The following TMCO4 variants were observed in gnomAD, a reference collection of about 807,000 sequenced individuals.
The protein encoded by TMCO4 is transmembrane and coiled-coil domain-containing protein 4.
TMCO4 carries 58 observed loss-of-function variants against 64.7 expected under a neutral mutation model. That is an observed-to-expected ratio of 0.90 (90% CI 0.73 to 1.12). The LOEUF (loss-of-function observed/expected upper bound fraction) is 1.12. Among genes scored for constraint, TMCO4 ranks in the 50% most tolerant of loss-of-function variants. The probability of loss-of-function intolerance (pLI) is 0.00; values close to 1 mark genes in which losing one functional copy is unlikely to be tolerated. For missense variants in TMCO4, 780 were observed against 825.9 expected (o/e 0.94, Z 0.68); for synonymous variants, 325 against 346.1 (o/e 0.94, Z 0.68).
At position 19,682,789 on chromosome 1, in the gene TMCO4, G is replaced by A; in HGVS notation, c.*251C>T. 1.4e-6 allele frequency: 1 copy of A among 717,698 alleles called. No individual in the cohort carries two copies. The allele number at this position is 717,698 out of a possible 1,614,324, so 44.5% of individuals were successfully genotyped here. On this transcript the variant is annotated 3_prime_UTR_variant, in exon 16 of 16. Transcript: ENST00000294543. Reference sequence around the variant, plus strand: ...AACCTGTGCTTGGTTGACTCTGCAGGTCTCTGATGAGGGGGCAGCTGCTCC... The same window carrying A: ...AACCTGTGCTTGGTTGACTCTGCAGATCTCTGATGAGGGGGCAGCTGCTCC...
intron 6 of TMCO4, among the ~76,000 whole-genome samples, chr1:19,763,663 T>G (rs2294634): frequency 0.18 from 26,788 of 152,216 alleles, 2,602 homozygotes; most frequent in East Asian, 0.35. Flanking sequence ...TTCATATAAC[T>G]GCTAACCTCA....
intron 4 of TMCO4, among the ~76,000 whole-genome samples, chr1:19,775,355 G>C (rs2043162027): frequency 6.6e-6 from 1 of 152,170 alleles, no homozygotes; most frequent in Non-Finnish European, 1.5e-5. Flanking sequence ...GGGACTACAG[G>C]CATGAGGCAC....
chr1:19,763,373 G>C (rs2294637), intron 6 of TMCO4, among the ~76,000 whole-genome samples: 72,666 of 152,136 alleles, frequency 0.48, 18,100 homozygotes, highest in African/African-American at 0.64. Flanking sequence ...CCACCACGCC[G>C]GGCCAAGAAT....
At chr1:19,797,876 AG>A in intron 2 of TMCO4, among the ~76,000 whole-genome samples, 1 of 124,658 alleles carries the variant, frequency 8.0e-6, no homozygotes, top group African/African-American at 3.4e-5. Context: ...AAAAAAAAAG[AG>A]AGAAGAAAGA....
At chr1:19,782,464 T>C (rs1006367927) in intron 3 of TMCO4, among the ~76,000 whole-genome samples, 3 of 152,140 alleles carry the variant, frequency 2.0e-5, no homozygotes, top group African/African-American at 7.2e-5. Flanking sequence ...TGGGTGGTCA[T>C]CATATGGGTA....
chr1:19,760,199 C>T (rs1490857363), intron 6 of TMCO4, among the ~76,000 whole-genome samples: 1 of 151,848 alleles, frequency 6.6e-6, no homozygotes, highest in Non-Finnish European at 1.5e-5. Flanking sequence ...GGGGATCTTG[C>T]TATGTTGCCC....
intron 15 of TMCO4, 109 bp downstream of exon 15, chr1:19,694,325 C>G: frequency 1.1e-6 from 1 of 895,294 alleles, no homozygotes; most frequent in Non-Finnish European, 1.7e-6. Flanking sequence ...TATGATCTTT[C>G]TCCTGTGGCG....
chr1:19,709,048 G>A (rs1196809054), intron 13 of TMCO4, among the ~76,000 whole-genome samples: 1 of 152,134 alleles, frequency 6.6e-6, no homozygotes, highest in African/African-American at 2.4e-5. Flanking sequence ...CGTAGAGAGA[G>A]GCCACAGAAG....
chr1:19,682,343 C>T lies in TMCO4; in HGVS notation c.*697G>A, dbSNP rs1054718032. ...CTTGTCCCCAGGCCTAGTTCACAGC[C>T]ATACTGAATGCAATTCAGCATGTAT... On this transcript the variant is annotated 3_prime_UTR_variant, in exon 16 of 16. Transcript: ENST00000294543. The T allele has an allele frequency of 9.9e-6, 4 of 403,230 alleles. No individual in the cohort carries two copies. Among genetic ancestry groups the T allele is most frequent in the Non-Finnish European group, 1.8e-5 (4 of 220,578 alleles). The allele number at this position is 403,230 out of a possible 1,614,324, so 25.0% of individuals were successfully genotyped here.
intron 4 of TMCO4, 42 bp from the exon 5 acceptor site, chr1:19,771,524 C>T: frequency 6.3e-7 from 1 of 1,598,774 alleles, no homozygotes; most frequent in Non-Finnish European, 8.5e-7. Flanking sequence ...ATCCTCAGAG[C>T]TCAGCCTCCA....
intron 13 of TMCO4, among the ~76,000 whole-genome samples, chr1:19,707,762 A>G (rs553375174): frequency 1.2e-3 from 182 of 152,344 alleles, no homozygotes; most frequent in Middle Eastern, 3.4e-3. Context: ...TTTATGAAGA[A>G]GAGAGGTTTA....
chr1:19,768,149 C>G (rs1205750492), intron 6 of TMCO4, among the ~76,000 whole-genome samples: 1 of 151,124 alleles, frequency 6.6e-6, no homozygotes, highest in Non-Finnish European at 1.5e-5. Flanking sequence ...GTGTGAGATT[C>G]AGGTCTGCAA....
Position 19,694,424 on chromosome 1 carries a change from C to T in TMCO4, c.1500+10G>A, listed in dbSNP as rs770526491. On this transcript the variant is annotated intron_variant, in intron 15 of 15. Transcript: ENST00000294543. ...ACGCAAAGCCCCAGGAGGAACAGGCCGACACTCACCACAGAGGTCAGGTCC... is the reference window on the plus strand; with the variant it reads ...ACGCAAAGCCCCAGGAGGAACAGGCTGACACTCACCACAGAGGTCAGGTCC... 73 of 1,611,394 alleles carry T rather than the reference C, an allele frequency of 4.5e-5. No individual in the cohort carries two copies. The Middle Eastern group carries it at 9.9e-4, about 22-fold the overall frequency.
At chr1:19,774,444 G>C (rs1434846477) in intron 4 of TMCO4, among the ~76,000 whole-genome samples, 1 of 152,182 alleles carries the variant, frequency 6.6e-6, no homozygotes, top group Non-Finnish European at 1.5e-5. Flanking sequence ...GTATTTCATA[G>C]GGTTGTTGAA....
Position 19,743,384 on chromosome 1 carries a change from G to A in TMCO4, c.877+2148C>T, listed in dbSNP as rs1389908158. On this transcript the variant is annotated intron_variant, in intron 10 of 15. Transcript: ENST00000294543. The surrounding 1 kb of genome is among the most constrained non-coding windows in gnomAD (Gnocchi z 4.1). Reference sequence around the variant, plus strand: ...TTAATAAAGGGGTGGTCCAAAGAAAGTCCGGTCATTCCTATCACATGGAAA... The same window carrying A: ...TTAATAAAGGGGTGGTCCAAAGAAAATCCGGTCATTCCTATCACATGGAAA... 6.6e-6 allele frequency among the ~76,000 whole-genome samples: 1 copy of A among 152,184 alleles called. No homozygotes were observed. Among genetic ancestry groups the A allele is most frequent in the Non-Finnish European group, 1.5e-5 (1 of 68,022 alleles).
intron 12 of TMCO4, among the ~76,000 whole-genome samples, chr1:19,739,140 A>C (rs2095468524): frequency 6.6e-6 from 1 of 152,208 alleles, no homozygotes; most frequent in South Asian, 2.1e-4. Flanking sequence ...CTTCCAGCCA[A>C]AACAAATCCT....
intron 7 of TMCO4, among the ~76,000 whole-genome samples, chr1:19,748,901 C>T (rs1440679465): frequency 6.6e-6 from 1 of 152,190 alleles, no homozygotes; most frequent in Non-Finnish European, 1.5e-5. Context: ...AGTTGGGCAT[C>T]TGGGGACCTG....
intron 13 of TMCO4, among the ~76,000 whole-genome samples, chr1:19,710,866 C>T (rs1018436995): frequency 5.3e-5 from 8 of 152,210 alleles, no homozygotes; most frequent in Admixed American, 1.3e-4. Flanking sequence ...TGTATAGACC[C>T]GGCCAAGAGC....
chr1:19,740,225 A>G (rs1341494095), intron 11 of TMCO4, among the ~76,000 whole-genome samples: 1 of 152,134 alleles, frequency 6.6e-6, no homozygotes, highest in Non-Finnish European at 1.5e-5. Flanking sequence ...TTTGCTTCAT[A>G]ACTCTGCAGT....
Sources: gnomAD v4.1 joint callset for allele counts (sites outside exome capture counted in the v4.1 genomes callset) on GRCh38, gnomAD v4.1.1 for gene constraint, Gnocchi (gnomAD v3.1) non-coding constraint, MANE v1.5 for transcripts, NCBI Gene and HGNC (gene_info 2026-07-23, HGNC 2026-07-21) for gene names.